The following DISC1 variants were observed in gnomAD, a reference collection of about 807,000 sequenced individuals.
DISC1 encodes DISC1 scaffold protein.
In DISC1, 57 loss-of-function variants were observed where a neutral mutation model predicts 84.5. That is an observed-to-expected ratio of 0.67 (90% confidence interval 0.55 to 0.84). The LOEUF (loss-of-function observed/expected upper bound fraction) is 0.84, where lower values mean the gene tolerates loss of function less well. Ranked by LOEUF, DISC1 falls within the 40% of genes least tolerant of loss-of-function variation. The pLI, the probability that DISC1 is intolerant of heterozygous loss-of-function variation, is 0.00. For synonymous variants in DISC1, 411 were observed against 415.2 expected (o/e 0.99, Z 0.12); for missense variants, 1,000 against 1,057.8 (o/e 0.95, Z 0.76).
chr1:231,756,929 C>T (rs932998601), intron 4 of DISC1, among the ~76,000 whole-genome samples: 2 of 152,176 alleles, frequency 1.3e-5, no homozygotes, highest in African/African-American at 4.8e-5. Context: ...TAAAACCTGC[C>T]TTTCAGTGTG....
intron 12 of DISC1, among the ~76,000 whole-genome samples, chr1:232,028,094 T>C (rs1307459324): frequency 2.0e-5 from 3 of 152,194 alleles, no homozygotes; most frequent in African/African-American, 4.8e-5. Flanking sequence ...TCAGAAAGTT[T>C]CCCAAAGAAG....
rs569665847 is a variant in DISC1, at chr1:232,005,017, TCTCCCTCCCTCA to T, written c.2043-3756_2043-3745del. Among the ~76,000 whole-genome samples, 31 of 54,310 alleles carry T rather than the reference TCTCCCTCCCTCA, an allele frequency of 5.7e-4. 1 individual carries two copies. The highest frequency in any genetic ancestry group is 4.0e-3 in the African/African-American group (28 of 6,970). 35.6% of individuals were successfully genotyped at this position (54,310 alleles called of 152,430 possible). A position where few individuals can be genotyped will look rare whatever the true frequency, so the allele number is the denominator to read the frequency against. Reference sequence around the variant, plus strand: ...TCTTCTTTCCTTCCTTCCTTCCCTCTCTCCCTCCCTCACTCCCTCCCTCCATCCTTCCTTCCT... The same window carrying T: ...TCTTCTTTCCTTCCTTCCTTCCCTCTCTCCCTCCCTCCATCCTTCCTTCCT... On this transcript the variant is annotated intron_variant, in intron 10 of 12. Coordinates refer to ENST00000439617, the MANE Select transcript of DISC1 (RefSeq NM_018662.3).
At chr1:231,760,389 A>G (rs1470015733) in intron 4 of DISC1, among the ~76,000 whole-genome samples, 1 of 152,170 alleles carries the variant, frequency 6.6e-6, no homozygotes, top group East Asian at 1.9e-4. Flanking sequence ...GATGGGACAC[A>G]CAAGTCATAT....
At chr1:231,629,446 GCT>G (rs1335739984) in intron 1 of DISC1, 1 of 153,118 alleles carries the variant, frequency 6.5e-6, no homozygotes, top group Non-Finnish European at 1.5e-5. Flanking sequence ...GAGCGTGAAT[GCT>G]CTGTTTCTGT....
At chr1:231,907,131 C>CTTCCTCTTTCTTTCTT (rs1334782802) in intron 9 of DISC1, among the ~76,000 whole-genome samples, 57 of 93,194 alleles carry the variant, frequency 6.1e-4, no homozygotes, top group African/African-American at 2.6e-3. Context: ...TCCTTCCTTC[C>CTTCCTCTTTCTTTCTT]TCTTTCTTTC....
chr1:231,684,236 G>T (rs1189365814), intron 1 of DISC1, among the ~76,000 whole-genome samples: 1 of 152,004 alleles, frequency 6.6e-6, no homozygotes, highest in Non-Finnish European at 1.5e-5. Flanking sequence ...TGAACTCCTG[G>T]GCTCAAGTGA....
chr1:231,688,169 A>G (rs935840750), intron 1 of DISC1, among the ~76,000 whole-genome samples: 1 of 152,130 alleles, frequency 6.6e-6, no homozygotes, highest in African/African-American at 2.4e-5. Context: ...CTTCTATGTC[A>G]GTTCTAGAAC....
At chr1:231,828,293 A>G (rs2081999067) in intron 9 of DISC1, among the ~76,000 whole-genome samples, 1 of 152,202 alleles carries the variant, frequency 6.6e-6, no homozygotes, top group African/African-American at 2.4e-5. Context: ...CCAGCATTCT[A>G]CTTTGCTTCG....
At chr1:232,016,588 C>CTGTA (rs1668509222) in intron 11 of DISC1, among the ~76,000 whole-genome samples, 1 of 152,230 alleles carries the variant, frequency 6.6e-6, no homozygotes, top group Non-Finnish European at 1.5e-5. Flanking sequence ...GTAATATAAA[C>CTGTA]TGTAGCTTTT....
chr1:231,839,639 T>A (rs1315023819), intron 9 of DISC1, among the ~76,000 whole-genome samples: 1 of 152,216 alleles, frequency 6.6e-6, no homozygotes, highest in East Asian at 1.9e-4. Context: ...GTTGTGTTAG[T>A]CTGTTTGCAT....
intron 10 of DISC1, among the ~76,000 whole-genome samples, chr1:231,999,002 A>G (rs1206927910): frequency 6.6e-6 from 1 of 152,200 alleles, no homozygotes; most frequent in Non-Finnish European, 1.5e-5. Flanking sequence ...CAGCAAATTT[A>G]TATGGAAAAA....
At chr1:231,819,761 A>G (rs1196514542) in intron 9 of DISC1, among the ~76,000 whole-genome samples, 1 of 151,538 alleles carries the variant, frequency 6.6e-6, no homozygotes, top group Admixed American at 6.6e-5. Flanking sequence ...TTGATTTTTT[A>G]AATGTATAAA....
At chr1:231,736,314 C>G (rs1247467906) in intron 3 of DISC1, among the ~76,000 whole-genome samples, 1 of 152,138 alleles carries the variant, frequency 6.6e-6, no homozygotes, top group African/African-American at 2.4e-5. Flanking sequence ...GGGAGTGGCT[C>G]TTGGGAAAAG....
At chr1:231,955,388 C>T (rs1182130781) in intron 9 of DISC1, among the ~76,000 whole-genome samples, 1 of 152,140 alleles carries the variant, frequency 6.6e-6, no homozygotes, top group Non-Finnish European at 1.5e-5. Flanking sequence ...TTCTTGTCTC[C>T]CCAAACCCAT....
At chr1:231,828,716 T>C (rs75624370) in intron 9 of DISC1, among the ~76,000 whole-genome samples, 4,042 of 152,274 alleles carry the variant, frequency 0.027, 169 homozygotes, top group African/African-American at 0.09. Context: ...GTGCTTGCAG[T>C]ACAGGAAAGC....
chr1:231,843,254 G>T (rs919224522), intron 9 of DISC1, among the ~76,000 whole-genome samples: 1 of 152,176 alleles, frequency 6.6e-6, no homozygotes, highest in African/African-American at 2.4e-5. Flanking sequence ...ATAGAGAAAA[G>T]CTTCCTTATG....
chr1:231,817,716 G>T (rs546973245), intron 8 of DISC1, among the ~76,000 whole-genome samples: 52 of 152,206 alleles, frequency 3.4e-4, no homozygotes, highest in African/African-American at 1.2e-3. Flanking sequence ...ATTGATGTTT[G>T]TACATTGACC....
At chr1:231,888,518 G>C (rs1558694652) in intron 9 of DISC1, among the ~76,000 whole-genome samples, 1 of 151,468 alleles carries the variant, frequency 6.6e-6, no homozygotes, top group African/African-American at 2.4e-5. Context: ...GCCGAGGGGG[G>C]TGGATCATGA....
Position 231,888,795 on chromosome 1 carries a change from T to G in DISC1, c.1982-70033T>G, listed in dbSNP as rs181434891. 4.2e-3 allele frequency among the ~76,000 whole-genome samples: 634 copies of G among 150,616 alleles called. 9 individuals are homozygous for G. Among genetic ancestry groups the G allele is most frequent in the African/African-American group, 0.015 (598 of 40,938 alleles). The stretch of plus-strand genomic sequence containing the variant: ...ACCCCAGTGCCCCCATCCACAGGGC[T>G]GCTGCTGCTGAGCACCCATGCCCTT... On this transcript the variant is annotated intron_variant, in intron 9 of 12. Transcript: ENST00000439617.
Sources: allele counts gnomAD v4.1 joint callset (sites outside exome capture counted in the v4.1 genomes callset), GRCh38; gene constraint gnomAD v4.1.1; transcripts MANE v1.5; gene names NCBI Gene and HGNC (gene_info 2026-07-23, HGNC 2026-07-21).